Variants in ACADM observed in about 807,000 individuals in gnomAD.
ACADM encodes the protein medium-chain specific acyl-CoA dehydrogenase, mitochondrial.
ACADM carries 49 observed loss-of-function variants against 58.9 expected under a neutral mutation model. The observed-to-expected ratio is 0.83, with a 90% confidence interval of 0.66 to 1.06. The LOEUF (loss-of-function observed/expected upper bound fraction) is 1.06, where lower values mean the gene tolerates loss of function less well. ACADM is among the 50% of genes least tolerant of loss of function. ACADM has a pLI of 0.00. For synonymous variants in ACADM, 160 were observed against 157.7 expected, an observed-to-expected ratio of 1.01 and a Z score of -0.11; for missense variants, 496 against 507.0, an observed-to-expected ratio of 0.98 and a Z score of 0.21.
intron 1 of ACADM, among the ~76,000 whole-genome samples, chr1:75,726,226 A>G (rs1053209688): frequency 1.3e-5 from 2 of 152,110 alleles, no homozygotes; most frequent in African/African-American, 4.8e-5. Context: ...TGGCCAAAGC[A>G]GGGAAACCCT....
chr1:75,735,372 GA>G (rs1647228899), intron 6 of ACADM, among the ~76,000 whole-genome samples: 1 of 150,574 alleles, frequency 6.6e-6, no homozygotes, highest in South Asian at 2.1e-4. Flanking sequence ...TTATTTCCAG[GA>G]GAAGAGAGAT....
intron 10 of ACADM, among the ~76,000 whole-genome samples, chr1:75,751,912 C>A (rs1570895572): frequency 6.6e-6 from 1 of 152,084 alleles, no homozygotes; most frequent in East Asian, 1.9e-4. Context: ...TTAACTCTTA[C>A]CCCTTTAAAT....
In ACADM at chr1:75,749,536, G is replaced by C. The variant is rs1248069972; in HGVS notation, c.826G>C (p.Ala276Pro). 3.1e-6 allele frequency: 5 copies of C among 1,613,954 alleles called. No individual in the cohort carries two copies. Among genetic ancestry groups the C allele is most frequent in the Non-Finnish European group, 3.4e-6 (4 of 1,179,938 alleles). Residue 276 changes from alanine to proline, a missense_variant, in exon 9 of 12, where the codon GCT (alanine) becomes CCT (proline). Ala to Pro is a conservative substitution (Grantham distance 27). Coordinates refer to ENST00000370841, the MANE Select transcript of ACADM (RefSeq NM_000016.6). ...DGAGFKVAMG[A>P]FDKTRPVVAA... Reference sequence around the variant, plus strand: ...AGCTGGTTTCAAAGTTGCAATGGGAGCTTTTGATAAAACCAGACCTGTAGT... The same window carrying C: ...AGCTGGTTTCAAAGTTGCAATGGGACCTTTTGATAAAACCAGACCTGTAGT...
At chr1:75,737,311 T>TGAA (rs1647319416) in intron 6 of ACADM, among the ~76,000 whole-genome samples, 1 of 101,288 alleles carries the variant, frequency 9.9e-6, no homozygotes, top group Non-Finnish European at 2.1e-5. Flanking sequence ...TATATATATA[T>TGAA]ATATATATAT....
intron 8 of ACADM, among the ~76,000 whole-genome samples, chr1:75,749,211 T>C (rs1394526614): frequency 6.6e-6 from 1 of 152,226 alleles, no homozygotes; most frequent in Admixed American, 6.5e-5. Context: ...AGTTCTGCCA[T>C]TGTAGCAAGA....
chr1:75,730,196 TAGTGGATC>T (rs1237188511), intron 2 of ACADM, among the ~76,000 whole-genome samples: 1 of 152,032 alleles, frequency 6.6e-6, no homozygotes, highest in African/African-American at 2.4e-5. Context: ...CCAGCCAGGG[TAGTGGATC>T]ATACTGAGAT....
rs12073631 is a variant in ACADM, at chr1:75,761,593, A to G, written c.1194+223A>G. ...ATAGGCTAAAAAAAATGGTACAGAC[A>G]TGTGTATTACGTTTGGATTAGATTT... On this transcript the variant is annotated intron_variant, in intron 11 of 11. Transcript: ENST00000370841. 7,068 of 568,620 alleles carry G rather than the reference A, an allele frequency of 0.012. 371 individuals carry two copies. Among genetic ancestry groups the G allele is most frequent in the African/African-American group, 0.12 (6,237 of 53,342 alleles). The allele number at this position is 568,620 out of a possible 1,614,324, so 35.2% of individuals were successfully genotyped here.
At position 75,726,327 on chromosome 1, in the gene ACADM, C is replaced by G. The variant is rs142089007; in HGVS notation, c.30+1510C>G. Among the ~76,000 whole-genome samples the G allele has an allele frequency of 6.2e-3, 940 of 150,422 alleles. 13 individuals carry two copies. The highest frequency in any genetic ancestry group is 0.022 in the African/African-American group (904 of 40,814). On this transcript the variant is annotated intron_variant, in intron 1 of 11. Transcript: ENST00000370841. ...GAGTCTGCAGTGAGCGGAGATCTCT[C>G]CACCGCACTCTAGCCTGGGTGACAG...
chr1:75,739,509 T>G lies in ACADM; in HGVS notation c.469-471T>G, dbSNP rs531101798. Among the ~76,000 whole-genome samples the G allele has an allele frequency of 1.9e-3, 288 of 152,348 alleles. 1 individual carries two copies. The highest frequency in any genetic ancestry group is 6.5e-3 in the African/African-American group (271 of 41,592). ...ACCTATGCCTAATTTGAATTATATA[T>G]TAAGTGTTTTTAGGCCAGGCACTGT... is the stretch of plus-strand genomic sequence containing the variant. On this transcript the variant is annotated intron_variant, in intron 6 of 11. Transcript: ENST00000370841.
rs1647188974 is a variant in ACADM at position 75,733,607 on chromosome 1, T to A, written c.366T>A (p.Ala122=). The A allele has an allele frequency of 2.5e-6, 4 of 1,613,908 alleles. No homozygotes were observed. In the Middle Eastern group the frequency reaches 5.0e-4, roughly 200 times the overall value. ...LAYGCTGVQT[A]IEGNSLGQMP... ...ATGGATGTACAGGGGTTCAGACTGC[T>A]ATTGAAGGAAATTCTTTGGGGGTAA... is the stretch of plus-strand genomic sequence containing the variant. The change falls in exon 5 of 12, where the codon GCT becomes GCA. Residue 122 remains alanine, a synonymous_variant. Coordinates refer to ENST00000370841, the MANE Select transcript of ACADM (RefSeq NM_000016.6).
At chr1:75,760,931 G>T (rs1476249597) in intron 10 of ACADM, among the ~76,000 whole-genome samples, 191 bp from the exon 11 acceptor site, 2 of 152,054 alleles carry the variant, frequency 1.3e-5, no homozygotes, top group Non-Finnish European at 2.9e-5. Context: ...AAAAGGTCAG[G>T]CACAGTGGCT....
chr1:75,761,077 G>T (rs1260149786), intron 10 of ACADM, 45 bp from the exon 11 acceptor site: 103 of 1,576,432 alleles, frequency 6.5e-5, no homozygotes, highest in Non-Finnish European at 8.9e-5. Context: ...AAACTTTTAA[G>T]TTTTCTCAAT....
rs539974962 is a variant in ACADM at position 75,743,410 on chromosome 1, G to A, written c.600-2396G>A. Reference sequence around the variant, plus strand: ...GCATGATCAATTTGTAGGGTGTGTGGGTTCCTCCTAAAGATCAAAGAGGAG... The same window carrying A: ...GCATGATCAATTTGTAGGGTGTGTGAGTTCCTCCTAAAGATCAAAGAGGAG... On this transcript the variant is annotated intron_variant, in intron 7 of 11. Coordinates refer to ENST00000370841, the MANE Select transcript of ACADM (RefSeq NM_000016.6). 1.5e-5 allele frequency: 24 copies of A among 1,608,788 alleles called. 1 individual carries two copies. In the South Asian group the frequency reaches 2.6e-4, roughly 18 times the overall value.
intron 8 of ACADM, among the ~76,000 whole-genome samples, chr1:75,747,740 T>C (rs1395016672): frequency 6.6e-6 from 1 of 152,212 alleles, no homozygotes; most frequent in East Asian, 1.9e-4. Flanking sequence ...TGAGCCATGC[T>C]CCTGTTGCTG....
chr1:75,755,416 G>A (rs1282439472), intron 10 of ACADM, among the ~76,000 whole-genome samples: 8 of 152,188 alleles, frequency 5.3e-5, no homozygotes, highest in Non-Finnish European at 1.0e-4. Context: ...GAAGCTTCCA[G>A]AGGAACAATC....
intron 6 of ACADM, among the ~76,000 whole-genome samples, chr1:75,737,297 T>TAC (rs1230117607): frequency 4.3e-5 from 4 of 93,524 alleles, no homozygotes; most frequent in Admixed American, 3.2e-4. Flanking sequence ...TATATATATA[T>TAC]ATATATATAT....
rs1647810888 is a variant in ACADM, at chr1:75,744,984, T to C, written c.600-822T>C. 2.0e-5 allele frequency among the ~76,000 whole-genome samples: 3 copies of C among 152,288 alleles called. No homozygotes were observed. The East Asian group carries it at 5.8e-4, about 29-fold the overall frequency. Reference sequence around the variant, plus strand: ...CTCATATTACTAAAAGAAAGTTAAATAGCATACTATAGTCCCTCCTTATCC... The same window carrying C: ...CTCATATTACTAAAAGAAAGTTAAACAGCATACTATAGTCCCTCCTTATCC... On this transcript the variant is annotated intron_variant, in intron 7 of 11. Transcript: ENST00000370841.
At chr1:75,732,960 T>C (rs111647855) in intron 4 of ACADM, 38 bp downstream of exon 4, 1 of 1,613,062 alleles carries the variant, frequency 6.2e-7, no homozygotes, top group East Asian at 2.2e-5. Context: ...GGAATGCATA[T>C]GAGTAAGAAA....
chr1:75,744,202 T>G (rs1570883768), intron 7 of ACADM: 1 of 1,572,654 alleles, frequency 6.4e-7, no homozygotes, highest in Non-Finnish European at 8.8e-7. Context: ...TAGAAGGAGG[T>G]TGTGAGGGCG....
Sources: allele counts gnomAD v4.1 joint callset (sites outside exome capture counted in the v4.1 genomes callset), GRCh38; gene constraint gnomAD v4.1.1; transcripts MANE v1.5; gene names NCBI Gene and HGNC (gene_info 2026-07-23, HGNC 2026-07-21).